Variants in GYPC observed in about 807,000 individuals in gnomAD.
The protein encoded by GYPC is glycophorin-C.
A neutral mutation model predicts 12.6 loss-of-function variants in GYPC; 14 were observed. The ratio of observed to expected loss-of-function variants is 1.11; its 90% CI spans 0.74 to 1.74. The LOEUF is 1.74. Ranked by LOEUF, GYPC falls within the 40% of genes most tolerant of loss-of-function variation. The pLI is 0.00. For missense variants in GYPC, 225 were observed against 172.1 expected (o/e 1.31, Z -1.72); for synonymous variants, 78 against 62.1 (o/e 1.26, Z -1.20).
intron 1 of GYPC, among the ~76,000 whole-genome samples, chr2:126,671,050 G>A (rs772519506): frequency 3.5e-4 from 54 of 152,222 alleles, no homozygotes; most frequent in African/African-American, 1.3e-3. Context: ...CCTCAACCCC[G>A]TGAGTGGATG....
At chr2:126,683,785 A>C (rs1361773041) in intron 1 of GYPC, among the ~76,000 whole-genome samples, 2 of 152,220 alleles carry the variant, frequency 1.3e-5, no homozygotes, top group Non-Finnish European at 2.9e-5. Flanking sequence ...ACTAGGTATG[A>C]AAAGTTATCC....
rs190642054 is a variant in GYPC at position 126,662,245 on chromosome 2, C to T, written c.49+5933C>T. Among the ~76,000 whole-genome samples, 272 of 152,288 alleles carry T rather than the reference C, an allele frequency of 1.8e-3. 3 individuals carry two copies. Among genetic ancestry groups the T allele is most frequent in the African/African-American group, 6.1e-3 (255 of 41,552 alleles). On this transcript the variant is annotated intron_variant, in intron 1 of 3. Coordinates refer to ENST00000259254, the MANE Select transcript of GYPC (RefSeq NM_002101.5). ...AAACAATGATGCCTCTGGTGTGGGGCCCAGCCAAGCCCTTCTCCTGTATTC... is the reference window on the plus strand; with the variant it reads ...AAACAATGATGCCTCTGGTGTGGGGTCCAGCCAAGCCCTTCTCCTGTATTC...
At chr2:126,665,747 C>T (rs1032505651) in intron 1 of GYPC, among the ~76,000 whole-genome samples, 1 of 152,234 alleles carries the variant, frequency 6.6e-6, no homozygotes, top group Non-Finnish European at 1.5e-5. Flanking sequence ...CCCTGCTCCG[C>T]ACCTAGTGAG....
In GYPC at chr2:126,696,021, G is replaced by A; in HGVS notation, c.266G>A (p.Gly89Asp). Reference protein sequence around the residue: ...VMLRYMYRHKGTYHTNEAKGT... With the variant: ...VMLRYMYRHKDTYHTNEAKGT... ...CTGCGCTACATGTACCGGCACAAGG[G>A]CACGTACCACACCAATGAGGCCAAG... The change falls in exon 4 of 4, where the codon GGC becomes GAC. Residue 89 changes from glycine to aspartate, a missense_variant. Transcript: ENST00000259254. The A allele has an allele frequency of 6.2e-7, 1 of 1,614,126 alleles. No homozygotes were observed. The highest frequency in any genetic ancestry group is 8.5e-7 in the Non-Finnish European group (1 of 1,179,960).
chr2:126,695,177 C>A (rs578220956), intron 3 of GYPC, among the ~76,000 whole-genome samples: 2 of 152,306 alleles, frequency 1.3e-5, no homozygotes, highest in Admixed American at 1.3e-4. Context: ...CAGTTAATAG[C>A]CTCATCTTTT....
At chr2:126,690,825 G>T (rs1323893234) in intron 2 of GYPC, among the ~76,000 whole-genome samples, 1 of 152,102 alleles carries the variant, frequency 6.6e-6, no homozygotes, top group Non-Finnish European at 1.5e-5. Context: ...ATGGGTCATG[G>T]CTGTGACTGC....
intron 2 of GYPC, among the ~76,000 whole-genome samples, chr2:126,691,766 G>A (rs548639031): frequency 4.6e-5 from 7 of 152,274 alleles, no homozygotes; most frequent in Non-Finnish European, 8.8e-5. Context: ...GTAAGCGATT[G>A]TTAGTTGTTT....
chr2:126,678,023 C>T (rs908246877), intron 1 of GYPC, among the ~76,000 whole-genome samples: 1 of 152,180 alleles, frequency 6.6e-6, no homozygotes, highest in African/African-American at 2.4e-5. Context: ...AGATCAAGAC[C>T]ATCCTGGCTA....
At chr2:126,681,248 C>T (rs1683143043) in intron 1 of GYPC, among the ~76,000 whole-genome samples, 1 of 152,050 alleles carries the variant, frequency 6.6e-6, no homozygotes, top group Non-Finnish European at 1.5e-5. Flanking sequence ...TTTAGAGGGT[C>T]CCGTTTTCTT....
At chr2:126,656,353 G>T in intron 1 of GYPC, 41 bp downstream of exon 1, 1 of 1,529,958 alleles carries the variant, frequency 6.5e-7, no homozygotes, top group Non-Finnish European at 8.9e-7. Context: ...GGACCCACTG[G>T]AGGCCGCGGC....
At chr2:126,681,140 C>A (rs1016446140) in intron 1 of GYPC, among the ~76,000 whole-genome samples, 2 of 152,192 alleles carry the variant, frequency 1.3e-5, no homozygotes, top group African/African-American at 2.4e-5. Context: ...CCACTCCTAA[C>A]CCGTCTACTT....
chr2:126,684,628 G>T (rs187691053), intron 1 of GYPC, among the ~76,000 whole-genome samples: 16 of 152,322 alleles, frequency 1.1e-4, no homozygotes, highest in Admixed American at 9.8e-4. Flanking sequence ...ACATGCATTT[G>T]TCCTTGTCGG....
chr2:126,691,741 T>C (rs1376163978), intron 2 of GYPC, among the ~76,000 whole-genome samples: 1 of 152,158 alleles, frequency 6.6e-6, no homozygotes, highest in African/African-American at 2.4e-5. Context: ...TGTTGAGACC[T>C]GCACCTGGCA....
chr2:126,683,537 G>A (rs1028840172), intron 1 of GYPC, among the ~76,000 whole-genome samples: 17 of 152,074 alleles, frequency 1.1e-4, no homozygotes, highest in Admixed American at 2.6e-4. Context: ...TCATACTCTC[G>A]CCTCACAAGG....
intron 1 of GYPC, chr2:126,658,308 G>A (rs1001781352): frequency 2.0e-5 from 3 of 152,270 alleles, no homozygotes; most frequent in African/African-American, 7.2e-5. Flanking sequence ...AAGGGTGCCC[G>A]TGGTTGGGCA....
chr2:126,688,926 T>C (rs1683368595), intron 1 of GYPC, among the ~76,000 whole-genome samples: 2 of 152,208 alleles, frequency 1.3e-5, no homozygotes, highest in South Asian at 4.1e-4. Context: ...GCCATTGTAA[T>C]GGGAATACGG....
intron 2 of GYPC, among the ~76,000 whole-genome samples, chr2:126,693,186 G>C (rs1364807976): frequency 1.3e-5 from 2 of 152,246 alleles, no homozygotes; most frequent in African/African-American, 4.8e-5. Flanking sequence ...CTTGAGGGAG[G>C]GAGGGAGTTC....
chr2:126,689,977 C>A (rs192416768), intron 1 of GYPC, among the ~76,000 whole-genome samples: 76 of 151,796 alleles, frequency 5.0e-4, no homozygotes, highest in African/African-American at 1.8e-3. Flanking sequence ...GCAGGCACCA[C>A]TCTCAGTGGA....
intron 1 of GYPC, among the ~76,000 whole-genome samples, chr2:126,687,957 T>C (rs917886186): frequency 4.5e-4 from 68 of 152,192 alleles, no homozygotes; most frequent in African/African-American, 1.6e-3. Context: ...CTAAACACAC[T>C]GACTCAAGGC....
Sources: gnomAD v4.1 joint callset for allele counts (sites outside exome capture counted in the v4.1 genomes callset) on GRCh38, gnomAD v4.1.1 for gene constraint, MANE v1.5 for transcripts, NCBI Gene and HGNC (gene_info 2026-07-23, HGNC 2026-07-21) for gene names.